The following WWOX variants were observed in gnomAD, a reference collection of about 807,000 sequenced individuals.
WWOX encodes the protein WW domain containing oxidoreductase, also known as WW domain-containing oxidoreductase.
A neutral mutation model predicts 46.2 loss-of-function variants in WWOX; 69 were observed. That is an observed-to-expected ratio of 1.49 (90% confidence interval 1.23 to 1.82). The LOEUF is 1.82. Among genes scored for constraint, WWOX ranks in the 40% most tolerant of loss-of-function variants. The probability of loss-of-function intolerance (pLI) is 0.00; values close to 1 mark genes in which losing one functional copy is unlikely to be tolerated. For missense variants in WWOX, 919 were observed against 542.6 expected, an observed-to-expected ratio of 1.69 and a Z score of -6.89; for synonymous variants, 359 against 202.6, an observed-to-expected ratio of 1.77 and a Z score of -6.56.
chr16:78,320,335 C>T (rs2080441377), intron 5 of WWOX, among the ~76,000 whole-genome samples: 1 of 152,176 alleles, frequency 6.6e-6, no homozygotes. Flanking sequence ...TGTAGGTTGT[C>T]ATACTAAATT....
intron 8 of WWOX, among the ~76,000 whole-genome samples, chr16:78,621,715 C>T (rs1405567923): frequency 6.8e-6 from 1 of 147,684 alleles, no homozygotes; most frequent in East Asian, 2.0e-4. Context: ...TGCCATTCTC[C>T]TGCCTCAGCC....
intron 5 of WWOX, among the ~76,000 whole-genome samples, chr16:78,298,962 C>T (rs551131835): frequency 6.6e-6 from 1 of 152,234 alleles, no homozygotes; most frequent in Admixed American, 6.5e-5. Context: ...TCTTCCTTTT[C>T]CTGTTCCTTG....
chr16:79,045,071 A>G (rs573655105), intron 8 of WWOX, among the ~76,000 whole-genome samples: 16 of 152,224 alleles, frequency 1.1e-4, no homozygotes, highest in Non-Finnish European at 1.6e-4. Flanking sequence ...GCTCCTGTCA[A>G]TCTCTCCAAA....
At chr16:78,610,885 A>G (rs1316875659) in intron 8 of WWOX, among the ~76,000 whole-genome samples, 2 of 152,134 alleles carry the variant, frequency 1.3e-5, no homozygotes, top group Non-Finnish European at 2.9e-5. Flanking sequence ...TCTTGCAATT[A>G]ATGACAGGAA....
intron 6 of WWOX, among the ~76,000 whole-genome samples, chr16:78,390,915 C>T (rs1392151856): frequency 1.3e-5 from 2 of 152,146 alleles, no homozygotes; most frequent in African/African-American, 2.4e-5. Flanking sequence ...ATTTAATATG[C>T]CGTTTCAAAG....
At chr16:78,212,760 G>C (rs549759245) in intron 5 of WWOX, among the ~76,000 whole-genome samples, 99 of 152,304 alleles carry the variant, frequency 6.5e-4, no homozygotes, top group Non-Finnish European at 9.6e-4. Context: ...ATGCTGGAAG[G>C]CAAAGTAAAA....
At chr16:78,619,734 A>G (rs2046130853) in intron 8 of WWOX, among the ~76,000 whole-genome samples, 2 of 151,232 alleles carry the variant, frequency 1.3e-5, no homozygotes, top group Non-Finnish European at 2.9e-5. Flanking sequence ...ATGAGACCCC[A>G]TCTGTATCCA....
chr16:78,496,593 C>T (rs1404652038), intron 8 of WWOX, among the ~76,000 whole-genome samples: 1 of 152,192 alleles, frequency 6.6e-6, no homozygotes, highest in East Asian at 1.9e-4. Context: ...GGATTTGTCC[C>T]ATTACACTGC....
chr16:79,078,471 T>G (rs2048701190), intron 8 of WWOX, among the ~76,000 whole-genome samples: 1 of 152,144 alleles, frequency 6.6e-6, no homozygotes, highest in African/African-American at 2.4e-5. Flanking sequence ...GAGAGTCCCT[T>G]GAATGCCACG....
chr16:78,906,572 T>C (rs915592977), intron 8 of WWOX, among the ~76,000 whole-genome samples: 10 of 152,194 alleles, frequency 6.6e-5, no homozygotes, highest in Admixed American at 4.6e-4. Flanking sequence ...TAAATATACA[T>C]CTTTCAGGGG....
intron 8 of WWOX, among the ~76,000 whole-genome samples, chr16:78,618,088 A>G (rs547508688): frequency 2.6e-5 from 4 of 152,354 alleles, no homozygotes; most frequent in Non-Finnish European, 4.4e-5. Context: ...CTAAGAGGCC[A>G]TGACTGTCCA....
chr16:78,833,446 CCTCCTGCTT>C (rs943231591), intron 8 of WWOX, among the ~76,000 whole-genome samples: 22 of 137,478 alleles, frequency 1.6e-4, no homozygotes, highest in Admixed American at 1.5e-3. Flanking sequence ...TCCTCCTCCT[CCTCCTGCTT>C]TCTATTCTCC....
rs1260933593 is a variant in WWOX at position 78,744,045 on chromosome 16, C to A, written c.1056+311293C>A. Among the ~76,000 whole-genome samples the A allele has an allele frequency of 4.6e-5, 7 of 152,128 alleles. No homozygotes were observed. In the East Asian group the frequency reaches 1.4e-3, roughly 29 times the overall value. On this transcript the variant is annotated intron_variant, in intron 8 of 8. Coordinates refer to ENST00000566780, the MANE Select transcript of WWOX (RefSeq NM_016373.4). ...ATTCTTTATTCAAAACGCCAAGAAC[C>A]TGGACGCCCTCCTCCAGTAACATAA... is the stretch of plus-strand genomic sequence containing the variant.
intron 5 of WWOX, among the ~76,000 whole-genome samples, chr16:78,185,970 A>C (rs1246619488): frequency 1.3e-5 from 2 of 152,164 alleles, no homozygotes; most frequent in African/African-American, 2.4e-5. Flanking sequence ...CCGGCCTCAA[A>C]GTGACTTTAA....
At chr16:78,335,622 A>G (rs2080871488) in intron 5 of WWOX, among the ~76,000 whole-genome samples, 1 of 152,174 alleles carries the variant, frequency 6.6e-6, no homozygotes, top group Non-Finnish European at 1.5e-5. Flanking sequence ...AATAGAAATG[A>G]TTGTATTATA....
chr16:78,761,837 C>T (rs559180822), intron 8 of WWOX, among the ~76,000 whole-genome samples: 5 of 152,186 alleles, frequency 3.3e-5, no homozygotes, highest in East Asian at 1.9e-4. Context: ...AAAGCTGACC[C>T]GACATAGACT....
At chr16:78,220,228 G>C (rs1469334997) in intron 5 of WWOX, among the ~76,000 whole-genome samples, 1 of 152,158 alleles carries the variant, frequency 6.6e-6, no homozygotes, top group Non-Finnish European at 1.5e-5. Flanking sequence ...TCCCATGTGG[G>C]TATCAATGAG....
intron 6 of WWOX, 57 bp from the exon 7 acceptor site, chr16:78,424,813 G>A (rs1373232745): frequency 1.3e-6 from 2 of 1,598,344 alleles, no homozygotes; most frequent in African/African-American, 1.3e-5. Context: ...AAGGAGCATG[G>A]ATTATCCTTG....
At chr16:78,656,290 C>T (rs556931229) in intron 8 of WWOX, among the ~76,000 whole-genome samples, 2 of 152,214 alleles carry the variant, frequency 1.3e-5, no homozygotes, top group African/African-American at 4.8e-5. Flanking sequence ...TGGGATCACC[C>T]ACTCCAACAT....
Sources: allele counts gnomAD v4.1 joint callset (sites outside exome capture counted in the v4.1 genomes callset), GRCh38; gene constraint gnomAD v4.1.1; transcripts MANE v1.5; gene names NCBI Gene and HGNC (gene_info 2026-07-23, HGNC 2026-07-21).